The following FAM13C variants were observed in gnomAD, a reference collection of about 807,000 sequenced individuals.
FAM13C encodes family with sequence similarity 13 member C, also known as protein FAM13C.
Under a neutral mutation model 73.2 loss-of-function variants are expected in FAM13C, and 37 were observed. The ratio of observed to expected loss-of-function variants is 0.51; its 90% CI spans 0.39 to 0.67. The LOEUF (loss-of-function observed/expected upper bound fraction) is 0.67, where lower values mean the gene tolerates loss of function less well. Among genes scored for constraint, FAM13C ranks in the 30% least tolerant of loss-of-function variants. FAM13C has a pLI of 0.00. For synonymous variants in FAM13C, 246 were observed against 260.9 expected, an observed-to-expected ratio of 0.94 and a Z score of 0.55; for missense variants, 589 against 715.6, an observed-to-expected ratio of 0.82 and a Z score of 2.02.
At chr10:59,291,719 T>C (rs1001471484) in intron 5 of FAM13C, among the ~76,000 whole-genome samples, 8 of 152,138 alleles carry the variant, frequency 5.3e-5, no homozygotes, top group Admixed American at 2.6e-4. Flanking sequence ...CTTGTTATGT[T>C]CACTTTATTA....
At chr10:59,362,785 C>A, upstream of FAM13C, 1 of 406,186 alleles carries the variant, frequency 2.5e-6, no homozygotes, top group Non-Finnish European at 4.3e-6. Context: ...CGCGTTTAAT[C>A]TTGGGCTCTT....
intron 3 of FAM13C, among the ~76,000 whole-genome samples, chr10:59,342,543 T>A (rs1195026668): frequency 6.6e-6 from 1 of 152,120 alleles, no homozygotes; most frequent in Non-Finnish European, 1.5e-5. Context: ...GATAATGAAT[T>A]TATGTTTAGT....
At chr10:59,338,576 T>C (rs992472675) in intron 3 of FAM13C, among the ~76,000 whole-genome samples, 8 of 152,220 alleles carry the variant, frequency 5.3e-5, no homozygotes, top group African/African-American at 1.9e-4. Flanking sequence ...CGTAAGATCA[T>C]ATGTTCTACC....
intron 3 of FAM13C, among the ~76,000 whole-genome samples, chr10:59,342,236 C>T (rs1316386237): frequency 6.6e-6 from 1 of 152,068 alleles, no homozygotes; most frequent in Non-Finnish European, 1.5e-5. Flanking sequence ...AGAGAGTGAG[C>T]AGCTTTTTCC....
rs775594737 is a variant in FAM13C at position 59,247,750 on chromosome 10, A to G, written c.1635-13T>C. The G allele has an allele frequency of 1.5e-5, 24 of 1,605,972 alleles. No individual in the cohort carries two copies. In the East Asian group the frequency reaches 4.9e-4, roughly 33 times the overall value. ...CTTTTGTGGACTTCTGCAAAACAAA[A>G]ATACATTTGTTAGTTCACAATGAAT... On this transcript the variant is annotated splice_polypyrimidine_tract_variant and intron_variant, in intron 13 of 13. Coordinates refer to ENST00000618804, the MANE Select transcript of FAM13C (RefSeq NM_198215.4).
intron 3 of FAM13C, among the ~76,000 whole-genome samples, chr10:59,331,455 C>T (rs1163616903): frequency 6.6e-6 from 1 of 152,108 alleles, no homozygotes; most frequent in African/African-American, 2.4e-5. Context: ...TGGTGAACAA[C>T]CAGGTAGGTG....
At position 59,251,565 on chromosome 10, in the gene FAM13C, C is replaced by G. The variant is rs12268908; in HGVS notation, c.1634+10G>C. The G allele has an allele frequency of 1.9e-6, 3 of 1,609,202 alleles. No individual in the cohort carries two copies. In the African/African-American group the frequency reaches 4.0e-5, roughly 22 times the overall value. On this transcript the variant is annotated intron_variant, in intron 13 of 13. Transcript: ENST00000618804. ...GTATTAGCTTTAAAAATCTCTCTGC[C>G]GACACATACCTTCCTGTTTGTTTAA... is the stretch of plus-strand genomic sequence containing the variant.
At chr10:59,338,957 C>T (rs1853126206) in intron 3 of FAM13C, among the ~76,000 whole-genome samples, 1 of 152,170 alleles carries the variant, frequency 6.6e-6, no homozygotes, top group East Asian at 1.9e-4. Flanking sequence ...GTTGTGGAGG[C>T]CAGAAGTCCA....
At chr10:59,326,890 G>C (rs1412888474) in intron 3 of FAM13C, among the ~76,000 whole-genome samples, 1 of 152,094 alleles carries the variant, frequency 6.6e-6, no homozygotes. Flanking sequence ...TTTAAGTTTT[G>C]TGGTTATTTG....
In FAM13C at chr10:59,344,347, C is replaced by A. The variant is rs200564857; in HGVS notation, c.324+7923G>T. 3.3e-5 allele frequency among the ~76,000 whole-genome samples: 5 copies of A among 150,658 alleles called. No individual in the cohort carries two copies. The East Asian group carries it at 9.8e-4, about 30-fold the overall frequency. On this transcript the variant is annotated intron_variant, in intron 3 of 13. Coordinates refer to ENST00000618804, the MANE Select transcript of FAM13C (RefSeq NM_198215.4). Reference sequence around the variant, plus strand: ...AGGCTGGAGTGCAGCAGCGCGATCTCGGCTCACTGCAAGTTCCGCCCCCCA... The same window carrying A: ...AGGCTGGAGTGCAGCAGCGCGATCTAGGCTCACTGCAAGTTCCGCCCCCCA...
At chr10:59,263,510 T>G (rs1304060390) in intron 9 of FAM13C, among the ~76,000 whole-genome samples, 1 of 152,206 alleles carries the variant, frequency 6.6e-6, no homozygotes, top group Non-Finnish European at 1.5e-5. Flanking sequence ...AGTATTAAAG[T>G]TAGAGTGTGG....
chr10:59,361,037 G>A lies in FAM13C; in HGVS notation c.62+1362C>T, dbSNP rs1160684338. On this transcript the variant is annotated intron_variant, in intron 1 of 13. Transcript: ENST00000618804. ...GAGGAGAGCAGTACCTGTGCACCTG[G>A]AGCAGGAAGTCCAGGCCTCATCTTC... 12 of 1,289,002 alleles carry A rather than the reference G, an allele frequency of 9.3e-6. No homozygotes were observed. In the Admixed American group the frequency reaches 2.8e-4, roughly 30 times the overall value. The allele number at this position is 1,289,002 out of a possible 1,614,324, so 79.8% of individuals were successfully genotyped here.
intron 4 of FAM13C, among the ~76,000 whole-genome samples, chr10:59,315,339 A>G (rs1259493520): frequency 6.6e-6 from 1 of 152,204 alleles, no homozygotes; most frequent in Non-Finnish European, 1.5e-5. Flanking sequence ...ACATCTTGTG[A>G]TACTGTTATG....
intron 6 of FAM13C, among the ~76,000 whole-genome samples, chr10:59,281,614 A>G (rs1473187295): frequency 6.6e-6 from 1 of 152,204 alleles, no homozygotes; most frequent in Admixed American, 6.5e-5. Context: ...TTGATATTTA[A>G]CATGGAATGC....
intron 9 of FAM13C, among the ~76,000 whole-genome samples, chr10:59,263,678 C>A (rs1429281908): frequency 6.6e-6 from 1 of 152,210 alleles, no homozygotes; most frequent in East Asian, 1.9e-4. Flanking sequence ...TGGCCCACCA[C>A]CTTCCAGCTA....
intron 11 of FAM13C, chr10:59,254,004 C>A: frequency 3.5e-6 from 1 of 286,896 alleles, no homozygotes; most frequent in East Asian, 5.6e-5. Flanking sequence ...AACCAACACA[C>A]AGAACAGAAA....
chr10:59,268,728 A>G, intron 7 of FAM13C, 37 bp from the exon 8 acceptor site: 1 of 1,599,324 alleles, frequency 6.3e-7, no homozygotes, highest in Non-Finnish European at 8.5e-7. Context: ...TATCAAAAAC[A>G]GTGGGCTTCC....
chr10:59,310,646 A>G (rs1227897290), intron 4 of FAM13C, among the ~76,000 whole-genome samples: 1 of 152,124 alleles, frequency 6.6e-6, no homozygotes, highest in Non-Finnish European at 1.5e-5. Context: ...AAGTCCATGG[A>G]TGTTCAGAAA....
chr10:59,294,020 G>C (rs990083163), intron 5 of FAM13C, among the ~76,000 whole-genome samples: 3 of 152,172 alleles, frequency 2.0e-5, no homozygotes, highest in Admixed American at 1.3e-4. Flanking sequence ...CACCAAGTGA[G>C]AGCATGTAAG....
Sources: allele counts gnomAD v4.1 joint callset (sites outside exome capture counted in the v4.1 genomes callset), GRCh38; gene constraint gnomAD v4.1.1; transcripts MANE v1.5; gene names NCBI Gene and HGNC (gene_info 2026-07-23, HGNC 2026-07-21).